The following DOCK3 variants were observed in gnomAD, a reference collection of about 807,000 sequenced individuals.
The protein encoded by DOCK3 is dedicator of cytokinesis protein 3.
A neutral mutation model predicts 265.6 loss-of-function variants in DOCK3; 60 were observed. The ratio of observed to expected loss-of-function variants is 0.23; its 90% CI spans 0.18 to 0.28. DOCK3 has a LOEUF of 0.28. DOCK3 is among the 10% of genes least tolerant of loss of function. The pLI is 1.00. For synonymous variants in DOCK3, 881 were observed against 938.0 expected (o/e 0.94, Z 1.11); for missense variants, 1,981 against 2,594.3 (o/e 0.76, Z 5.14).
intron 10 of DOCK3, among the ~76,000 whole-genome samples, chr3:51,152,517 C>T (rs1162032737): frequency 5.9e-5 from 9 of 152,312 alleles, no homozygotes; most frequent in Admixed American, 6.5e-5. Flanking sequence ...AGTCATTCTC[C>T]GTCCTGCTTT....
At position 50,675,781 on chromosome 3, in the gene DOCK3, T is replaced by C. The variant is rs200381957; in HGVS notation, c.37+481T>C. ...TTTCCCAGTTCAAAAATTTGGACAT[T>C]TGACTGCAAATGTTTGATCTGTTTT... On this transcript the variant is annotated intron_variant, in intron 1 of 52. Transcript: ENST00000266037. This position sits in a 1 kb window ranked among gnomAD's most constrained non-coding sequence, Gnocchi z 6.1. Among the ~76,000 whole-genome samples the C allele has an allele frequency of 3.4e-4, 52 of 152,362 alleles. No individual in the cohort carries two copies. In the East Asian group the frequency reaches 9.6e-3, roughly 28 times the overall value.
intron 9 of DOCK3, among the ~76,000 whole-genome samples, chr3:51,137,222 G>A (rs994248767): frequency 3.3e-5 from 5 of 152,014 alleles, no homozygotes; most frequent in Non-Finnish European, 5.9e-5. Context: ...ATCTATGAGG[G>A]GATATTAGAT....
At chr3:50,742,286 C>T (rs1430813532) in intron 1 of DOCK3, among the ~76,000 whole-genome samples, 11 of 152,158 alleles carry the variant, frequency 7.2e-5, no homozygotes, top group African/African-American at 1.9e-4. Context: ...AAAAGCAGAG[C>T]GCCTCTCCTC....
chr3:50,682,361 A>C (rs1469354411), intron 1 of DOCK3, among the ~76,000 whole-genome samples: 1 of 152,118 alleles, frequency 6.6e-6, no homozygotes, highest in Non-Finnish European at 1.5e-5. Flanking sequence ...TTGCTGCATC[A>C]TGTCTTTGTT....
chr3:51,082,501 C>G (rs1229413605), intron 7 of DOCK3, among the ~76,000 whole-genome samples: 3 of 152,162 alleles, frequency 2.0e-5, no homozygotes, highest in Non-Finnish European at 4.4e-5. Context: ...AACTTGTGCT[C>G]CCTAGAACCT....
At position 51,023,262 on chromosome 3, in the gene DOCK3, T is replaced by C. The variant is rs1575801160; in HGVS notation, c.316-41186T>C. Reference sequence around the variant, plus strand: ...TTCATTTCCTTTTTTTTTTTCTTTATCTTTGTCTGATTGCATTAATTTGAA... The same window carrying C: ...TTCATTTCCTTTTTTTTTTTCTTTACCTTTGTCTGATTGCATTAATTTGAA... On this transcript the variant is annotated intron_variant, in intron 5 of 52. Coordinates refer to ENST00000266037, the MANE Select transcript of DOCK3 (RefSeq NM_004947.5). 2.0e-5 allele frequency among the ~76,000 whole-genome samples: 3 copies of C among 152,200 alleles called. No homozygotes were observed. In the South Asian group the frequency reaches 6.2e-4, roughly 32 times the overall value.
intron 27 of DOCK3, among the ~76,000 whole-genome samples, chr3:51,289,856 C>T (rs970056596): frequency 1.3e-5 from 2 of 152,108 alleles, no homozygotes; most frequent in African/African-American, 4.8e-5. Flanking sequence ...AAAACAACCC[C>T]ATCAAAAAGT....
At chr3:50,944,373 C>T (rs558307493) in intron 5 of DOCK3, among the ~76,000 whole-genome samples, 3 of 152,266 alleles carry the variant, frequency 2.0e-5, no homozygotes, top group Admixed American at 6.5e-5. Context: ...CCTTGTTCTC[C>T]TTGTTCCCTC....
chr3:51,369,908 C>T (rs1468371652), intron 49 of DOCK3, among the ~76,000 whole-genome samples: 1 of 152,220 alleles, frequency 6.6e-6, no homozygotes, highest in Admixed American at 6.5e-5. Flanking sequence ...CAGATCTTTA[C>T]ACTCACCAGC....
intron 22 of DOCK3, among the ~76,000 whole-genome samples, chr3:51,252,165 T>A (rs1420838165): frequency 6.6e-6 from 1 of 152,172 alleles, no homozygotes. Context: ...AAAGATCAGA[T>A]GGTTGTAGAT....
At chr3:51,326,583 TTTGTTGTTGTTGTTGTTGTTGTTG>T (rs148344271) in intron 32 of DOCK3, among the ~76,000 whole-genome samples, 205 of 140,116 alleles carry the variant, frequency 1.5e-3, no homozygotes, top group African/African-American at 5.2e-3. Context: ...CCTGGCATGT[TTTGTTGTTGTTGTTGTTGTTGTTG>T]TTGTTGTTGT....
In DOCK3 at chr3:51,194,797, G is replaced by T. The variant is rs78214256; in HGVS notation, c.1038-13977G>T. On this transcript the variant is annotated intron_variant, in intron 12 of 52. Coordinates refer to ENST00000266037, the MANE Select transcript of DOCK3 (RefSeq NM_004947.5). Reference sequence around the variant, plus strand: ...CTTTATTTTCATTTTCAGTCTGTATGTGTCTTTACTGCTAAGGTGAATATC... The same window carrying T: ...CTTTATTTTCATTTTCAGTCTGTATTTGTCTTTACTGCTAAGGTGAATATC... Among the ~76,000 whole-genome samples the T allele has an allele frequency of 1.2e-3, 177 of 145,152 alleles. 1 individual carries two copies. The highest frequency in any genetic ancestry group is 3.6e-3 in the East Asian group (18 of 5,058).
intron 26 of DOCK3, chr3:51,278,370 A>G: frequency 1.0e-6 from 1 of 985,434 alleles, no homozygotes; most frequent in East Asian, 1.1e-4. Flanking sequence ...ACTCCAGAGT[A>G]GACTTACTTC....
intron 1 of DOCK3, among the ~76,000 whole-genome samples, chr3:50,769,809 C>G (rs1429597419): frequency 3.4e-5 from 1 of 29,428 alleles, no homozygotes; most frequent in Non-Finnish European, 7.0e-5. Flanking sequence ...AAGACTCTGT[C>G]TCAAAAAAAA....
chr3:51,261,885 C>T (rs1190271592), intron 23 of DOCK3, among the ~76,000 whole-genome samples: 1 of 152,162 alleles, frequency 6.6e-6, no homozygotes, highest in Non-Finnish European at 1.5e-5. Flanking sequence ...GTGGGCAGGG[C>T]ATCTCTGAAA....
chr3:51,207,544 C>G (rs2089283055), intron 12 of DOCK3, among the ~76,000 whole-genome samples: 1 of 152,152 alleles, frequency 6.6e-6, no homozygotes, highest in Non-Finnish European at 1.5e-5. Flanking sequence ...ATCACAACAG[C>G]TCTGAGTAAA....
intron 1 of DOCK3, chr3:50,719,504 A>G (rs1019386415): frequency 1.0e-5 from 9 of 900,400 alleles, no homozygotes; most frequent in East Asian, 4.8e-5. Flanking sequence ...ACAGTCGGCA[A>G]TGGTGATCTT....
intron 5 of DOCK3, among the ~76,000 whole-genome samples, chr3:50,978,031 A>G (rs2077532297): frequency 6.6e-6 from 1 of 151,786 alleles, no homozygotes; most frequent in Admixed American, 6.6e-5. Flanking sequence ...TGGTTATTCT[A>G]GTTATACCTT....
chr3:50,928,823 C>T lies in DOCK3; in HGVS notation c.219-5158C>T, dbSNP rs12636949. Among the ~76,000 whole-genome samples, 16 of 152,250 alleles carry T rather than the reference C, an allele frequency of 1.1e-4. No individual in the cohort carries two copies. In the East Asian group the frequency reaches 2.3e-3, roughly 22 times the overall value. On this transcript the variant is annotated intron_variant, in intron 4 of 52. Coordinates refer to ENST00000266037, the MANE Select transcript of DOCK3 (RefSeq NM_004947.5). ...AAGATTTTTCTACTTTACAGTGGTA[C>T]GAAAGTCATATGCATTCAGTAGAAA...
Sources: allele counts gnomAD v4.1 joint callset (sites outside exome capture counted in the v4.1 genomes callset), GRCh38; gene constraint gnomAD v4.1.1; non-coding constraint Gnocchi (gnomAD v3.1); transcripts MANE v1.5; gene names NCBI Gene and HGNC (gene_info 2026-07-23, HGNC 2026-07-21).